MAML2: variants seen among roughly 807,000 people sequenced by gnomAD.
MAML2 encodes the protein mastermind like transcriptional coactivator 2.
In MAML2, 22 loss-of-function variants were observed where a neutral mutation model predicts 96.1. The ratio of observed to expected loss-of-function variants is 0.23; its 90% confidence interval spans 0.16 to 0.33. The LOEUF (loss-of-function observed/expected upper bound fraction) is 0.33, where lower values mean the gene tolerates loss of function less well. Ranked by LOEUF, MAML2 falls within the 10% of genes least tolerant of loss-of-function variation. The probability of loss-of-function intolerance (pLI) is 1.00; values close to 1 mark genes in which losing one functional copy is unlikely to be tolerated. For missense variants in MAML2, 1,367 were observed against 1,392.4 expected, an observed-to-expected ratio of 0.98 and a Z score of 0.29; for synonymous variants, 561 against 521.3, an observed-to-expected ratio of 1.08 and a Z score of -1.04.
chr11:96,121,146 GAA>G (rs760809013), intron 1 of MAML2, among the ~76,000 whole-genome samples: 6 of 152,088 alleles, frequency 3.9e-5, no homozygotes, highest in Non-Finnish European at 7.4e-5. Flanking sequence ...GAGAGAGAGA[GAA>G]AGGTTCCTAG....
intron 1 of MAML2, among the ~76,000 whole-genome samples, chr11:96,229,776 C>G (rs931560495): frequency 1.1e-4 from 16 of 152,076 alleles, no homozygotes; most frequent in African/African-American, 3.9e-4. Context: ...AAATTGTAGA[C>G]TCTTTGGGCT....
intron 1 of MAML2, among the ~76,000 whole-genome samples, chr11:96,126,560 T>A (rs746833878): frequency 3.9e-5 from 6 of 152,022 alleles, no homozygotes; most frequent in Non-Finnish European, 8.8e-5. Context: ...AGACTCCATC[T>A]CACAAAACAA....
intron 2 of MAML2, among the ~76,000 whole-genome samples, chr11:96,010,597 A>G (rs941378971): frequency 2.8e-4 from 42 of 152,232 alleles, no homozygotes; most frequent in African/African-American, 1.0e-3. Flanking sequence ...ATGAGTTAAG[A>G]ATAGTGGCGA....
chr11:96,257,646 C>T (rs917952598), intron 1 of MAML2, among the ~76,000 whole-genome samples: 1 of 152,096 alleles, frequency 6.6e-6, no homozygotes, highest in African/African-American at 2.4e-5. Flanking sequence ...TTGATGGCAA[C>T]CCCCTTTTTA....
At chr11:96,309,529 A>G (rs1863508708) in intron 1 of MAML2, among the ~76,000 whole-genome samples, 1 of 152,094 alleles carries the variant, frequency 6.6e-6, no homozygotes, top group South Asian at 2.1e-4. Context: ...TAATCTTGCC[A>G]CCATCCCTGT....
rs560395762 is a variant in MAML2 at position 96,010,041 on chromosome 11, A to G, written c.2140-18318T>C. 6.6e-5 allele frequency among the ~76,000 whole-genome samples: 10 copies of G among 152,326 alleles called. No homozygotes were observed. The East Asian group carries it at 1.9e-3, about 29-fold the overall frequency. On this transcript the variant is annotated intron_variant, in intron 2 of 4. Transcript: ENST00000524717. ...CAATTTGGAGCTTCGGGAATGATCT[A>G]CTTACTGCAAACTGTAATATGTCTT...
intron 1 of MAML2, among the ~76,000 whole-genome samples, chr11:96,194,448 C>A (rs1861701256): frequency 6.6e-6 from 1 of 152,186 alleles, no homozygotes. Context: ...TTTGAATCTG[C>A]TAGATAATTT....
intron 1 of MAML2, among the ~76,000 whole-genome samples, chr11:96,202,177 CA>C (rs35124521): frequency 0.55 from 40,650 of 74,092 alleles, 9,585 homozygotes; most frequent in East Asian, 0.6. Flanking sequence ...ACTAAAAATA[CA>C]AAAAAAAAAA....
chr11:96,215,450 A>C (rs183072607), intron 1 of MAML2, among the ~76,000 whole-genome samples: 13 of 152,268 alleles, frequency 8.5e-5, no homozygotes, highest in Admixed American at 8.5e-4. Context: ...TGTTTTTAAA[A>C]GTCTTTACTA....
intron 1 of MAML2, among the ~76,000 whole-genome samples, chr11:96,322,871 G>A (rs1863725368): frequency 1.3e-5 from 2 of 152,238 alleles, no homozygotes; most frequent in South Asian, 4.1e-4. Context: ...GTTAGCTGTT[G>A]TGTAGAGTGG....
chr11:96,341,558 G>C lies in MAML2; in HGVS notation c.338C>G (p.Pro113Arg). 6.4e-7 allele frequency: 1 copy of C among 1,551,324 alleles called. No individual in the cohort carries two copies. ...TGTTGCTGCTGCTTGGGAGGCCGCA[G>C]GAGGGGCAGCAGGGGGCGGTGGAGG... is the stretch of plus-strand genomic sequence containing the variant. ...TAPPPPPAAP[P>R]AASQAAATAA... Residue 113 changes from proline to arginine, a missense_variant, in exon 1 of 5, where the codon CCT becomes CGT. Physicochemically the swap from Pro to Arg is moderately radical, Grantham distance 103. Coordinates refer to ENST00000524717, the MANE Select transcript of MAML2 (RefSeq NM_032427.4).
chr11:96,091,253 G>C (rs954819859), intron 2 of MAML2, among the ~76,000 whole-genome samples: 1 of 152,128 alleles, frequency 6.6e-6, no homozygotes, highest in African/African-American at 2.4e-5. Flanking sequence ...CCTTTGCCGG[G>C]TAAGATACCC....
At chr11:96,087,812 G>A (rs550932216) in intron 2 of MAML2, among the ~76,000 whole-genome samples, 100 of 152,284 alleles carry the variant, frequency 6.6e-4, no homozygotes, top group African/African-American at 2.4e-3. Context: ...CTAGGATCCA[G>A]CAAAGGAGTG....
chr11:96,057,383 C>G (rs1859086452), intron 2 of MAML2, among the ~76,000 whole-genome samples: 1 of 152,202 alleles, frequency 6.6e-6, no homozygotes, highest in Admixed American at 6.5e-5. Context: ...TCCATCTCTT[C>G]AATGTCTGTC....
intron 1 of MAML2, among the ~76,000 whole-genome samples, chr11:96,315,898 G>T (rs1863624976): frequency 6.6e-6 from 1 of 152,230 alleles, no homozygotes; most frequent in Admixed American, 6.5e-5. Context: ...CCAATGGTCA[G>T]ATCGGCAGGT....
chr11:96,325,563 A>G (rs1415080722), intron 1 of MAML2, among the ~76,000 whole-genome samples: 1 of 152,130 alleles, frequency 6.6e-6, no homozygotes, highest in Non-Finnish European at 1.5e-5. Flanking sequence ...TATTATTATT[A>G]TGACCATTAC....
intron 2 of MAML2, among the ~76,000 whole-genome samples, chr11:96,030,846 T>C (rs938874000): frequency 3.9e-5 from 6 of 152,200 alleles, no homozygotes; most frequent in Admixed American, 3.3e-4. Flanking sequence ...TACATCAAGA[T>C]CCCAAGGGAA....
At chr11:96,183,954 T>C (rs530253242) in intron 1 of MAML2, among the ~76,000 whole-genome samples, 1 of 152,318 alleles carries the variant, frequency 6.6e-6, no homozygotes, top group South Asian at 2.1e-4. Flanking sequence ...CAGAAATAAA[T>C]CTGCAGGTTT....
intron 1 of MAML2, among the ~76,000 whole-genome samples, chr11:96,284,171 C>T (rs1438362401): frequency 6.6e-6 from 1 of 152,208 alleles, no homozygotes; most frequent in African/African-American, 2.4e-5. Context: ...GTAGCCATTT[C>T]TTGATGTGTA....
Sources: allele counts gnomAD v4.1 joint callset (sites outside exome capture counted in the v4.1 genomes callset), GRCh38; gene constraint gnomAD v4.1.1; transcripts MANE v1.5; gene names NCBI Gene and HGNC (gene_info 2026-07-23, HGNC 2026-07-21).